The following ANKHD1 variants were observed in gnomAD, a reference collection of about 807,000 sequenced individuals.
ANKHD1 encodes the protein ankyrin repeat and KH domain-containing protein 1.
ANKHD1 carries 31 observed loss-of-function variants against 230.5 expected under a neutral mutation model. That is an observed-to-expected ratio of 0.13 (90% CI 0.10 to 0.18). ANKHD1 has a LOEUF of 0.18. Among genes scored for constraint, ANKHD1 ranks in the 10% least tolerant of loss-of-function variants. The pLI, the probability that ANKHD1 is intolerant of heterozygous loss-of-function variation, is 1.00. For synonymous variants in ANKHD1, 1,074 were observed against 1,117.6 expected, an observed-to-expected ratio of 0.96 and a Z score of 0.78; for missense variants, 2,256 against 3,071.3, an observed-to-expected ratio of 0.73 and a Z score of 6.27.
At chr5:140,487,172 A>G in intron 14 of ANKHD1, 112 bp downstream of exon 14, 2 of 1,148,196 alleles carry the variant, frequency 1.7e-6, no homozygotes, top group Non-Finnish European at 2.3e-6. Context: ...TAATTGAGGT[A>G]GATAATTCTG....
At chr5:140,448,015 A>T (rs1041584047) in intron 6 of ANKHD1, among the ~76,000 whole-genome samples, 3 of 152,116 alleles carry the variant, frequency 2.0e-5, no homozygotes, top group Admixed American at 6.6e-5. Flanking sequence ...GGGTGCAGTA[A>T]CTCACACCTA....
intron 15 of ANKHD1, among the ~76,000 whole-genome samples, chr5:140,501,137 C>T (rs1400946527): frequency 2.7e-5 from 4 of 147,120 alleles, no homozygotes; most frequent in East Asian, 2.0e-4. Flanking sequence ...CACACTGTCA[C>T]GCATCTTGGC....
intron 13 of ANKHD1, 125 bp from the exon 14 acceptor site, chr5:140,486,833 C>T (rs186158773): frequency 1.1e-6 from 1 of 930,020 alleles, no homozygotes; most frequent in East Asian, 3.1e-5. Flanking sequence ...TTAAAAAAAG[C>T]TTCAGGAAAC....
At position 140,496,749 on chromosome 5, in the gene ANKHD1, A is replaced by G; in HGVS notation, c.2475A>G (p.Glu825=). Residue 825 remains glutamate (E), a synonymous_variant, in exon 15 of 34, where the codon GAA becomes GAG. Coordinates refer to ENST00000360839, the MANE Select transcript of ANKHD1 (RefSeq NM_017747.3). ...TAGAAGAACTTAAAAAGAACAGAGA[A>G]GAGCAAGTCCAGAAGAAGAAGAAAA... is the stretch of plus-strand genomic sequence containing the variant. ...DKIEELKKNR[E]EQVQKKKKIL... is the part of the protein sequence containing the mutation. 1 of 1,613,868 alleles carries G rather than the reference A, an allele frequency of 6.2e-7. No individual in the cohort carries two copies. The highest frequency in any genetic ancestry group is 8.5e-7 in the Non-Finnish European group (1 of 1,179,954).
At chr5:140,487,341 CCA>C (rs988244682) in intron 14 of ANKHD1, among the ~76,000 whole-genome samples, 1 of 152,102 alleles carries the variant, frequency 6.6e-6, no homozygotes, top group African/African-American at 2.4e-5. Flanking sequence ...ATTTAAGTAA[CCA>C]CAGTTTATCA....
chr5:140,478,193 T>A (rs1751070708), intron 10 of ANKHD1, among the ~76,000 whole-genome samples: 1 of 152,064 alleles, frequency 6.6e-6, no homozygotes, highest in Non-Finnish European at 1.5e-5. Flanking sequence ...TAGAATGAGA[T>A]GTTGCCCAAA....
intron 29 of ANKHD1, among the ~76,000 whole-genome samples, chr5:140,534,741 T>C (rs950511566): frequency 6.6e-6 from 1 of 152,210 alleles, no homozygotes; most frequent in African/African-American, 2.4e-5. Context: ...CTTTTCCTAA[T>C]ACATTTTCCA....
intron 1 of ANKHD1, among the ~76,000 whole-genome samples, chr5:140,417,423 T>A (rs893821519): frequency 1.3e-5 from 2 of 151,592 alleles, no homozygotes; most frequent in Admixed American, 6.6e-5. Flanking sequence ...TTTTTTTAAT[T>A]AAAAAATTTT....
Position 140,526,010 on chromosome 5 carries a change from C to G in ANKHD1, c.4507C>G (p.Pro1503Ala). 6.4e-7 allele frequency: 1 copy of G among 1,573,926 alleles called. No individual in the cohort carries two copies. The highest frequency in any genetic ancestry group is 8.6e-7 in the Non-Finnish European group (1 of 1,166,986). The change falls in exon 26 of 34, where the codon CCC becomes GCC. Residue 1503 changes from proline to alanine, a missense_variant. Around this residue, in one of 13 missense-constraint regions of ANKHD1, gnomAD observed 212 missense variants for 257.3 expected, o/e 0.82. Transcript: ENST00000360839. ...ENDEDVEQEV[P>A]IEPPSATTTT... ...AACAATTTCAGTGGAGCAAGAAGTT[C>G]CCATAGAACCTCCTAGTGCAACCAC...
chr5:140,407,503 C>G (rs1770565125), intron 1 of ANKHD1, among the ~76,000 whole-genome samples: 2 of 151,244 alleles, frequency 1.3e-5, no homozygotes, highest in South Asian at 2.1e-4. Flanking sequence ...TTCCTGGGCT[C>G]AAGCAATCCT....
intron 5 of ANKHD1, among the ~76,000 whole-genome samples, chr5:140,443,063 G>A (rs111457046): frequency 0.02 from 3,033 of 151,790 alleles, 105 homozygotes; most frequent in African/African-American, 0.069. Context: ...CCGCCACCAC[G>A]CCTGGCTAAT....
chr5:140,508,016 G>A lies in ANKHD1; in HGVS notation c.3765+18G>A, dbSNP rs374163781. On this transcript the variant is annotated intron_variant, in intron 20 of 33. Transcript: ENST00000360839. ...GGGCAAAGGTAAGCATTTTTTACTTGTCAACTATTTCAGATACATTTCTGT... is the reference window on the plus strand; with the variant it reads ...GGGCAAAGGTAAGCATTTTTTACTTATCAACTATTTCAGATACATTTCTGT... The A allele has an allele frequency of 4.4e-6, 7 of 1,600,034 alleles. No individual in the cohort carries two copies. The highest frequency in any genetic ancestry group is 6.0e-6 in the Non-Finnish European group (7 of 1,170,352).
chr5:140,452,673 A>G (rs1282113110), intron 7 of ANKHD1, among the ~76,000 whole-genome samples: 1 of 152,202 alleles, frequency 6.6e-6, no homozygotes, highest in Non-Finnish European at 1.5e-5. Context: ...TGTTAGAAGG[A>G]AAACTAACAA....
At chr5:140,431,470 A>C (rs1336304970) in intron 1 of ANKHD1, among the ~76,000 whole-genome samples, 4 of 152,242 alleles carry the variant, frequency 2.6e-5, no homozygotes. Flanking sequence ...ATTACACAGA[A>C]TCATGTTCTA....
chr5:140,404,178 C>T (rs1235743154), intron 1 of ANKHD1, among the ~76,000 whole-genome samples: 1 of 152,114 alleles, frequency 6.6e-6, no homozygotes, highest in Non-Finnish European at 1.5e-5. Context: ...TTTATTTTAT[C>T]CTTTCAGTGA....
intron 3 of ANKHD1, among the ~76,000 whole-genome samples, chr5:140,438,955 C>T (rs1430409774): frequency 6.6e-6 from 1 of 152,128 alleles, no homozygotes; most frequent in Non-Finnish European, 1.5e-5. Flanking sequence ...TGCTTGAGTA[C>T]TAATACATGA....
intron 10 of ANKHD1, among the ~76,000 whole-genome samples, chr5:140,468,284 C>A (rs897627544): frequency 6.7e-5 from 10 of 149,882 alleles, no homozygotes; most frequent in South Asian, 2.1e-4. Context: ...CAAAAAAAAA[C>A]AAAAAAACAA....
At chr5:140,496,481 T>A in intron 14 of ANKHD1, 39 bp from the exon 15 acceptor site, 3 of 1,162,250 alleles carry the variant, frequency 2.6e-6, no homozygotes, top group Non-Finnish European at 3.3e-6. Flanking sequence ...TTTTTTTTTT[T>A]TAGCATGGCA....
chr5:140,513,610 A>G, intron 24 of ANKHD1, 131 bp downstream of exon 24: 2 of 802,282 alleles, frequency 2.5e-6, no homozygotes, highest in Non-Finnish European at 3.7e-6. Context: ...GGAGTTCAAG[A>G]CCAGCCTTGC....
Sources: gnomAD v4.1 joint callset for allele counts (sites outside exome capture counted in the v4.1 genomes callset) on GRCh38, gnomAD v4.1.1 for gene constraint, gnomAD v4.1.1 regional missense constraint, MANE v1.5 for transcripts, NCBI Gene and HGNC (gene_info 2026-07-23, HGNC 2026-07-21) for gene names.